SGIP1: variants seen among roughly 807,000 people sequenced by gnomAD.
SGIP1 encodes the protein SH3GL interacting endocytic adaptor 1, also known as SH3-containing GRB2-like protein 3-interacting protein 1.
Under a neutral mutation model 107.5 loss-of-function variants are expected in SGIP1, and 38 were observed. That is an observed-to-expected ratio of 0.35 (90% CI 0.27 to 0.46). The LOEUF (loss-of-function observed/expected upper bound fraction) is 0.46. Among genes scored for constraint, SGIP1 ranks in the 20% least tolerant of loss-of-function variants. The pLI is 1.00. For missense variants in SGIP1, 929 were observed against 1,019.5 expected (o/e 0.91, Z 1.21); for synonymous variants, 365 against 366.1 (o/e 1.00, Z 0.03).
chr1:66,634,117 T>C (rs2075334284), intron 3 of SGIP1: 6 of 1,610,218 alleles, frequency 3.7e-6, no homozygotes, highest in Non-Finnish European at 5.1e-6. Flanking sequence ...CAGCTTCTCC[T>C]CACCTCTTGC....
chr1:66,679,781 T>C (rs755625669), intron 14 of SGIP1, 29 bp downstream of exon 14: 2 of 1,569,590 alleles, frequency 1.3e-6, no homozygotes, highest in East Asian at 4.8e-5. Flanking sequence ...AGTTCTGGGA[T>C]GATGTGTCAA....
chr1:66,542,265 C>G (rs1412799018), intron 1 of SGIP1, among the ~76,000 whole-genome samples: 2 of 151,986 alleles, frequency 1.3e-5, no homozygotes, highest in Non-Finnish European at 2.9e-5. Context: ...AAATAAGGCA[C>G]AGTAGGAGAT....
chr1:66,595,280 G>A (rs1012174301), intron 1 of SGIP1, among the ~76,000 whole-genome samples: 10 of 152,056 alleles, frequency 6.6e-5, no homozygotes, highest in Non-Finnish European at 7.3e-5. Flanking sequence ...CAGACATCAA[G>A]TGTCAACTGG....
intron 18 of SGIP1, among the ~76,000 whole-genome samples, chr1:66,709,542 A>G (rs2092768818): frequency 6.6e-6 from 1 of 152,170 alleles, no homozygotes; most frequent in African/African-American, 2.4e-5. Context: ...TAATTAAATG[A>G]TGCATTATGT....
chr1:66,594,172 A>G (rs1179771347), intron 1 of SGIP1, among the ~76,000 whole-genome samples: 5 of 152,028 alleles, frequency 3.3e-5, no homozygotes, highest in Non-Finnish European at 1.5e-5. Flanking sequence ...TTATAATGGG[A>G]ATAAACAGCT....
At chr1:66,592,550 C>T (rs1161940747) in intron 1 of SGIP1, among the ~76,000 whole-genome samples, 3 of 152,162 alleles carry the variant, frequency 2.0e-5, no homozygotes, top group African/African-American at 7.2e-5. Flanking sequence ...TTTCTTTTCC[C>T]CACGGAGTGA....
chr1:66,592,897 C>CTTTTTT (rs35762612), intron 1 of SGIP1, among the ~76,000 whole-genome samples: 569 of 56,356 alleles, frequency 0.01, 7 homozygotes, highest in Middle Eastern at 0.014. Context: ...TCTTCTTCTT[C>CTTTTTT]TTTTTTTTTT....
intron 1 of SGIP1, among the ~76,000 whole-genome samples, chr1:66,561,956 T>A (rs556495030): frequency 6.6e-6 from 1 of 152,210 alleles, no homozygotes; most frequent in African/African-American, 2.4e-5. Flanking sequence ...CCCGTTTTCA[T>A]CATTTTGCTT....
intron 18 of SGIP1, among the ~76,000 whole-genome samples, chr1:66,709,292 G>A (rs1246057016): frequency 1.3e-5 from 2 of 151,476 alleles, no homozygotes; most frequent in South Asian, 2.1e-4. Context: ...TCATGAAGGA[G>A]AACATGTAGC....
At chr1:66,643,764 A>G (rs777611088) in intron 7 of SGIP1, 45 bp downstream of exon 7, 6 of 1,534,886 alleles carry the variant, frequency 3.9e-6, no homozygotes, top group Non-Finnish European at 5.2e-6. Flanking sequence ...GAGATTGAAC[A>G]GGGCTATGTT....
chr1:66,594,358 A>G (rs1195118766), intron 1 of SGIP1, among the ~76,000 whole-genome samples: 2 of 152,202 alleles, frequency 1.3e-5, no homozygotes, highest in Non-Finnish European at 2.9e-5. Context: ...ACATTAACTT[A>G]CTTTCTTACC....
rs541795327 is a variant in SGIP1 at position 66,656,521 on chromosome 1, A to G, written c.460-3992A>G. ...AAGCACATGGGTAATGCATTGCACT[A>G]TGACATCACTAGGCAATAGAAATTT... On this transcript the variant is annotated intron_variant, in intron 7 of 24. Coordinates refer to ENST00000371037, the MANE Select transcript of SGIP1 (RefSeq NM_032291.4). Among the ~76,000 whole-genome samples, 59 of 152,354 alleles carry G rather than the reference A, an allele frequency of 3.9e-4. 2 individuals are homozygous for G. Among genetic ancestry groups the G allele is most frequent in the African/African-American group, 1.3e-3 (55 of 41,600 alleles).
intron 8 of SGIP1, among the ~76,000 whole-genome samples, chr1:66,663,949 A>G (rs1398925271): frequency 1.3e-5 from 2 of 152,206 alleles, no homozygotes; most frequent in African/African-American, 2.4e-5. Context: ...CTTTAATAAT[A>G]AAGTGTCTTA....
intron 8 of SGIP1, among the ~76,000 whole-genome samples, chr1:66,663,125 C>T (rs889406399): frequency 2.0e-5 from 3 of 152,072 alleles, no homozygotes; most frequent in Non-Finnish European, 4.4e-5. Flanking sequence ...GGACTAAGCC[C>T]ACATTCTCAC....
intron 17 of SGIP1, among the ~76,000 whole-genome samples, chr1:66,691,642 T>A (rs995086070): frequency 3.3e-5 from 5 of 152,196 alleles, no homozygotes; most frequent in Middle Eastern, 3.2e-3. Context: ...GTAATTTTTT[T>A]AATTCTATCT....
chr1:66,624,265 A>T (rs2072025571), intron 1 of SGIP1, among the ~76,000 whole-genome samples: 1 of 152,230 alleles, frequency 6.6e-6, no homozygotes, highest in Non-Finnish European at 1.5e-5. Flanking sequence ...ATGATTATGT[A>T]ACTATGATAC....
At chr1:66,615,710 C>T (rs2069126183) in intron 1 of SGIP1, among the ~76,000 whole-genome samples, 1 of 152,054 alleles carries the variant, frequency 6.6e-6, no homozygotes, top group African/African-American at 2.4e-5. Flanking sequence ...AAAAGTCTAT[C>T]TGAGAAGGAC....
intron 1 of SGIP1, among the ~76,000 whole-genome samples, chr1:66,596,903 T>TC (rs2064825293): frequency 6.6e-6 from 1 of 152,110 alleles, no homozygotes; most frequent in African/African-American, 2.4e-5. Context: ...TCCTTCAAAA[T>TC]AGGAAAGACT....
chr1:66,562,687 C>G (rs960515835), intron 1 of SGIP1, among the ~76,000 whole-genome samples: 1 of 152,030 alleles, frequency 6.6e-6, no homozygotes, highest in Non-Finnish European at 1.5e-5. Flanking sequence ...ATGTGGAAAA[C>G]TTGCCCCTGG....
Sources: gnomAD v4.1 joint callset for allele counts (sites outside exome capture counted in the v4.1 genomes callset) on GRCh38, gnomAD v4.1.1 for gene constraint, MANE v1.5 for transcripts, NCBI Gene and HGNC (gene_info 2026-07-23, HGNC 2026-07-21) for gene names.